Variants in PDE4D observed in about 807,000 individuals in gnomAD.
PDE4D encodes the protein phosphodiesterase 4D, also known as 3',5'-cyclic-AMP phosphodiesterase 4D.
Under a neutral mutation model 87.4 loss-of-function variants are expected in PDE4D, and 24 were observed. The observed-to-expected ratio is 0.27, with a 90% CI of 0.20 to 0.39. The LOEUF (loss-of-function observed/expected upper bound fraction) is 0.39. Among genes scored for constraint, PDE4D ranks in the 10% least tolerant of loss-of-function variants. The probability of loss-of-function intolerance (pLI) is 1.00; values close to 1 mark genes in which losing one functional copy is unlikely to be tolerated. For synonymous variants in PDE4D, 384 were observed against 383.2 expected, an observed-to-expected ratio of 1.00 and a Z score of -0.02; for missense variants, 714 against 1,041.0, an observed-to-expected ratio of 0.69 and a Z score of 4.32.
At chr5:59,813,801 T>G (rs998704861) in intron 1 of PDE4D, among the ~76,000 whole-genome samples, 4 of 152,202 alleles carry the variant, frequency 2.6e-5, no homozygotes, top group African/African-American at 9.6e-5. Flanking sequence ...GATAATCTGT[T>G]CTTACCAGTC....
chr5:59,541,223 G>A (rs1349498219), intron 1 of PDE4D, among the ~76,000 whole-genome samples: 1 of 152,182 alleles, frequency 6.6e-6, no homozygotes, highest in African/African-American at 2.4e-5. Context: ...CGCTCAGTAT[G>A]TAGCAATTAT....
chr5:60,312,400 C>T (rs549190577), intron 1 of PDE4D, among the ~76,000 whole-genome samples: 20 of 152,272 alleles, frequency 1.3e-4, no homozygotes, highest in African/African-American at 4.8e-4. Context: ...AGTTTATTCT[C>T]ACACAGCTAT....
intron 1 of PDE4D, among the ~76,000 whole-genome samples, chr5:59,322,351 A>G (rs1333437006): frequency 6.6e-6 from 1 of 152,152 alleles, no homozygotes; most frequent in African/African-American, 2.4e-5. Flanking sequence ...AAAGGCAACT[A>G]ATCATGAAAT....
chr5:60,162,906 T>G (rs979719412), intron 2 of PDE4D, among the ~76,000 whole-genome samples: 1 of 152,152 alleles, frequency 6.6e-6, no homozygotes, highest in Non-Finnish European at 1.5e-5. Context: ...AGAGGTTTCA[T>G]TAGCAGAATT....
intron 1 of PDE4D, among the ~76,000 whole-genome samples, chr5:60,416,923 G>C (rs1165229617): frequency 2.0e-5 from 3 of 152,230 alleles, no homozygotes; most frequent in African/African-American, 7.2e-5. Flanking sequence ...CCATTGAGAT[G>C]TAGGGATTGG....
chr5:59,641,381 C>A (rs1487536677), intron 1 of PDE4D, among the ~76,000 whole-genome samples: 3 of 152,158 alleles, frequency 2.0e-5, no homozygotes, highest in African/African-American at 7.2e-5. Flanking sequence ...ATCCATCACT[C>A]CCACACTGCC....
chr5:59,965,075 T>A (rs1262810011), intron 3 of PDE4D, among the ~76,000 whole-genome samples: 4 of 152,124 alleles, frequency 2.6e-5, no homozygotes, highest in Non-Finnish European at 5.9e-5. Flanking sequence ...ATACTCTACG[T>A]TCTCTTATTT....
At position 58,976,359 on chromosome 5, in the gene PDE4D, A is replaced by T; in HGVS notation, c.1821T>A (p.Asp607Glu). 6.2e-7 allele frequency: 1 copy of T among 1,611,346 alleles called. No individual in the cohort carries two copies. The change falls in exon 13 of 15, where the codon GAT becomes GAA. Residue 607 changes from aspartate (D) to glutamate (E), a missense_variant. By Grantham distance (45) the Asp-to-Glu change is conservative (BLOSUM62 2). This residue lies in a region of PDE4D where 97 missense variants were observed against 176.9 expected (regional missense o/e 0.55). Coordinates refer to ENST00000340635, the MANE Select transcript of PDE4D (RefSeq NM_001104631.2). ...SGVLLLDNYS[D>E]RIQVLQNMVH... ...TCAAACAAGGCTTTACCTGAATCCT[A>T]TCGGAATAATTATCAAGAAGAAGAA... is the stretch of plus-strand genomic sequence containing the variant.
At chr5:59,928,137 C>T (rs953192634) in intron 3 of PDE4D, among the ~76,000 whole-genome samples, 1 of 152,180 alleles carries the variant, frequency 6.6e-6, no homozygotes, top group Non-Finnish European at 1.5e-5. Context: ...TTTCCTGAGC[C>T]AGTCTAGGCC....
At chr5:59,056,568 C>T (rs959641365) in intron 5 of PDE4D, among the ~76,000 whole-genome samples, 3 of 152,130 alleles carry the variant, frequency 2.0e-5, no homozygotes, top group South Asian at 2.1e-4. Flanking sequence ...CGCATGCATT[C>T]GGTATTTGTA....
At chr5:60,096,026 T>C (rs548299674) in intron 2 of PDE4D, among the ~76,000 whole-genome samples, 3 of 152,268 alleles carry the variant, frequency 2.0e-5, no homozygotes, top group South Asian at 4.1e-4. Context: ...CCAAAAATTT[T>C]CTCCCATTCT....
intron 1 of PDE4D, among the ~76,000 whole-genome samples, chr5:59,575,391 A>G (rs1175729307): frequency 6.6e-6 from 1 of 152,228 alleles, no homozygotes; most frequent in African/African-American, 2.4e-5. Flanking sequence ...AAGATAAAAC[A>G]TACATATCTT....
At chr5:60,124,623 G>A (rs1702973854) in intron 2 of PDE4D, among the ~76,000 whole-genome samples, 1 of 151,848 alleles carries the variant, frequency 6.6e-6, no homozygotes, top group African/African-American at 2.4e-5. Context: ...CCTCTTCTCT[G>A]GATTCTTCCC....
chr5:59,305,769 T>G (rs1771199930), intron 1 of PDE4D, among the ~76,000 whole-genome samples: 1 of 152,214 alleles, frequency 6.6e-6, no homozygotes, highest in South Asian at 2.1e-4. Context: ...ACAGAGTGCT[T>G]GATATAATTC....
At position 58,975,324 on chromosome 5, in the gene PDE4D, C is replaced by A. The variant is rs1743444976; in HGVS notation, c.2014-244G>T. Among the ~76,000 whole-genome samples the A allele has an allele frequency of 6.6e-6, 1 of 152,074 alleles. No individual in the cohort carries two copies. The highest frequency in any genetic ancestry group is 6.6e-5 in the Admixed American group (1 of 15,266). On this transcript the variant is annotated intron_variant, in intron 14 of 14. Coordinates refer to ENST00000340635, the MANE Select transcript of PDE4D (RefSeq NM_001104631.2). This position sits in a 1 kb window ranked among gnomAD's most constrained non-coding sequence, Gnocchi z 4.2. Reference sequence around the variant, plus strand: ...ATGTTCTATAGCATAAAAAATTTTCCAGTTGTTGACATGGTAGGGCTTATT... The same window carrying A: ...ATGTTCTATAGCATAAAAAATTTTCAAGTTGTTGACATGGTAGGGCTTATT...
intron 1 of PDE4D, among the ~76,000 whole-genome samples, chr5:59,793,145 G>A (rs574230417): frequency 1.3e-5 from 2 of 152,306 alleles, no homozygotes; most frequent in South Asian, 2.1e-4. Flanking sequence ...TTCCGTGGAG[G>A]TGCATGATTT....
intron 2 of PDE4D, among the ~76,000 whole-genome samples, chr5:60,099,202 T>C (rs1775992230): frequency 6.6e-6 from 1 of 151,836 alleles, no homozygotes; most frequent in Non-Finnish European, 1.5e-5. Context: ...ATGTGATGAG[T>C]AGTTTTTCTC....
intron 1 of PDE4D, among the ~76,000 whole-genome samples, chr5:59,347,018 T>C (rs775690779): frequency 6.6e-6 from 1 of 152,144 alleles, no homozygotes; most frequent in African/African-American, 2.4e-5. Flanking sequence ...GCTTGTTTTT[T>C]TCCTCCACTA....
chr5:59,039,274 A>C, intron 5 of PDE4D: 5 of 1,148,144 alleles, frequency 4.4e-6, no homozygotes, highest in East Asian at 6.2e-5. Flanking sequence ...AAAAACCACT[A>C]TGCGACTTTT....
Sources: gnomAD v4.1 joint callset for allele counts (sites outside exome capture counted in the v4.1 genomes callset) on GRCh38, gnomAD v4.1.1 for gene constraint, gnomAD v4.1.1 regional missense constraint, Gnocchi (gnomAD v3.1) non-coding constraint, MANE v1.5 for transcripts, NCBI Gene and HGNC (gene_info 2026-07-23, HGNC 2026-07-21) for gene names.